SCYL3: variants seen among roughly 807,000 people sequenced by gnomAD.
The protein encoded by SCYL3 is protein-associating with the carboxyl-terminal domain of ezrin.
Under a neutral mutation model 73.8 loss-of-function variants are expected in SCYL3, and 35 were observed. The observed-to-expected ratio is 0.47, with a 90% CI of 0.36 to 0.63. The LOEUF (loss-of-function observed/expected upper bound fraction) is 0.63. Ranked by LOEUF, SCYL3 falls within the 20% of genes least tolerant of loss-of-function variation. The pLI is 0.00. For synonymous variants in SCYL3, 277 were observed against 295.2 expected, an observed-to-expected ratio of 0.94 and a Z score of 0.63; for missense variants, 712 against 798.9, an observed-to-expected ratio of 0.89 and a Z score of 1.31.
chr1:169,859,930 G>A (rs10919258), intron 10 of SCYL3: 40,092 of 152,250 alleles, frequency 0.26, 5,785 homozygotes, highest in Middle Eastern at 0.36. Flanking sequence ...TGCCTAAAGA[G>A]GGGTGAACCA....
At position 169,851,774 on chromosome 1, in the gene SCYL3, C is replaced by CTAA; in HGVS notation, c.*1936_*1938dup. On this transcript the variant is annotated 3_prime_UTR_variant, in exon 13 of 13. Coordinates refer to ENST00000367771, the MANE Select transcript of SCYL3 (RefSeq NM_020423.7). ...TGGCCATTTCATATCTAGTAGAGTG[C>CTAA]TAACATGTTGCTATTTGCTTGGTTT... is the stretch of plus-strand genomic sequence containing the variant. 6.2e-7 allele frequency: 1 copy of CTAA among 1,601,684 alleles called. No homozygotes were observed. Among genetic ancestry groups the CTAA allele is most frequent in the Non-Finnish European group, 8.5e-7 (1 of 1,173,788 alleles).
At chr1:169,853,877 A>C (rs1406383359) in intron 12 of SCYL3, 105 bp from the exon 13 acceptor site, 1 of 1,259,468 alleles carries the variant, frequency 7.9e-7, no homozygotes, top group African/African-American at 1.5e-5. Context: ...TTTTGATGCC[A>C]GAAACACTAC....
Position 169,878,843 on chromosome 1 carries a change from C to G in SCYL3, c.166-24G>C, listed in dbSNP as rs1361987547. The G allele has an allele frequency of 3.1e-6, 5 of 1,589,908 alleles. No homozygotes were observed. The Admixed American group carries it at 9.0e-5, about 29-fold the overall frequency. On this transcript the variant is annotated intron_variant, in intron 2 of 12. Transcript: ENST00000367771. ...TGCTTTAAAAATACAAACCGAAGAG[C>G]TGAAGTTAATGACCCCAAACCAGAT...
At position 169,859,073 on chromosome 1, in the gene SCYL3, C is replaced by T; in HGVS notation, c.1280G>A (p.Ser427Asn). 1 of 1,613,720 alleles carries T rather than the reference C, an allele frequency of 6.2e-7. No individual in the cohort carries two copies. ...RTKIFKRTAP[S>N]FTKNTDLSLE... ...AGAAAGGTCAGTATTTTTAGTAAAACTTGGGGCAGTGCGTTTGAAGATCTT... is the reference window on the plus strand; with the variant it reads ...AGAAAGGTCAGTATTTTTAGTAAAATTTGGGGCAGTGCGTTTGAAGATCTT... The change falls in exon 11 of 13, where the codon AGT becomes AAT. Residue 427 changes from serine to asparagine, a missense_variant. Ser to Asn is a conservative substitution (Grantham distance 46). Coordinates refer to ENST00000367771, the MANE Select transcript of SCYL3 (RefSeq NM_020423.7).
chr1:169,892,673 G>T (rs2102224446), intron 1 of SCYL3, among the ~76,000 whole-genome samples: 1 of 152,254 alleles, frequency 6.6e-6, no homozygotes, highest in Admixed American at 6.5e-5. Flanking sequence ...ACTTGAATAT[G>T]CATCAGTCTT....
chr1:169,852,578 A>G lies in SCYL3; in HGVS notation c.*1135T>C, dbSNP rs1391091828. On this transcript the variant is annotated 3_prime_UTR_variant, in exon 13 of 13. Coordinates refer to ENST00000367771, the MANE Select transcript of SCYL3 (RefSeq NM_020423.7). ...TGTTGTATACCACATACAAACTAAGACACTGGTAGTAGCACTCTGAATTGC... is the reference window on the plus strand; with the variant it reads ...TGTTGTATACCACATACAAACTAAGGCACTGGTAGTAGCACTCTGAATTGC... 7.0e-6 allele frequency: 4 copies of G among 573,016 alleles called. No homozygotes were observed. Among genetic ancestry groups the G allele is most frequent in the South Asian group, 2.2e-5 (1 of 45,824 alleles). The allele number at this position is 573,016 out of a possible 1,614,324, so 35.5% of individuals were successfully genotyped here.
At position 169,852,480 on chromosome 1, in the gene SCYL3, G is replaced by A. The variant is rs1310955354; in HGVS notation, c.*1233C>T. On this transcript the variant is annotated 3_prime_UTR_variant, in exon 13 of 13. Coordinates refer to ENST00000367771, the MANE Select transcript of SCYL3 (RefSeq NM_020423.7). ...TCTCATAAAAAGAAAATACATTTAT[G>A]AACTTGTTTATAAGACATGTAAGCT... The A allele has an allele frequency of 3.0e-6, 1 of 335,466 alleles. No individual in the cohort carries two copies. Among genetic ancestry groups the A allele is most frequent in the Admixed American group, 4.5e-5 (1 of 21,992 alleles). The allele number at this position is 335,466 out of a possible 1,614,324, so 20.8% of individuals were successfully genotyped here. A position where few individuals can be genotyped will look rare whatever the true frequency, so the allele number is the denominator to read the frequency against.
chr1:169,885,544 G>A (rs1661621137), intron 2 of SCYL3, among the ~76,000 whole-genome samples: 1 of 150,832 alleles, frequency 6.6e-6, no homozygotes, highest in Non-Finnish European at 1.5e-5. Flanking sequence ...AGATCTTCAG[G>A]GAAAAATATT....
chr1:169,862,976 G>A (rs374159192), intron 9 of SCYL3, among the ~76,000 whole-genome samples, 179 bp from the exon 10 acceptor site: 8 of 152,130 alleles, frequency 5.3e-5, no homozygotes, highest in African/African-American at 1.7e-4. Flanking sequence ...GCAGTGGCGC[G>A]ATCTCGGCTC....
At position 169,850,526 on chromosome 1, in the gene SCYL3, G is replaced by A. The variant is rs1221270690; in HGVS notation, c.*3187C>T. The A allele has an allele frequency of 1.9e-5, 10 of 517,782 alleles. No homozygotes were observed. Among genetic ancestry groups the A allele is most frequent in the African/African-American group, 9.6e-5 (5 of 51,884 alleles). 32.1% of individuals were successfully genotyped at this position (517,782 alleles called of 1,614,324 possible). On this transcript the variant is annotated 3_prime_UTR_variant, in exon 13 of 13. Transcript: ENST00000367771. ...AAGTAAAACACTTGGGGCCAGGCGC[G>A]GCGGCTCATGCCTGTAATCCCAGCA...
Position 169,851,850 on chromosome 1 carries a change from G to A in SCYL3, c.*1863C>T, listed in dbSNP as rs945417150. 1 of 1,614,052 alleles carries A rather than the reference G, an allele frequency of 6.2e-7. No individual in the cohort carries two copies. The highest frequency in any genetic ancestry group is 8.5e-7 in the Non-Finnish European group (1 of 1,179,958). The stretch of plus-strand genomic sequence containing the variant: ...TGTAGATGAAACTGAAGCTGCCAAA[G>A]TGGAACGTGTGAAACAGGAAAAAGG... On this transcript the variant is annotated 3_prime_UTR_variant, in exon 13 of 13. Transcript: ENST00000367771.
intron 2 of SCYL3, among the ~76,000 whole-genome samples, chr1:169,885,266 C>T (rs1270179533): frequency 6.6e-6 from 1 of 152,136 alleles, no homozygotes; most frequent in East Asian, 1.9e-4. Flanking sequence ...GTATGAGATT[C>T]TTTCCCTAAA....
At chr1:169,859,444 A>G (rs1296757008) in intron 10 of SCYL3, among the ~76,000 whole-genome samples, 1 of 152,244 alleles carries the variant, frequency 6.6e-6, no homozygotes, top group Non-Finnish European at 1.5e-5. Flanking sequence ...ACAAAATTAA[A>G]AAGACATATG....
chr1:169,879,535 A>G (rs1661097508), intron 2 of SCYL3, among the ~76,000 whole-genome samples: 1 of 152,252 alleles, frequency 6.6e-6, no homozygotes, highest in South Asian at 2.1e-4. Flanking sequence ...AACTAGTTCA[A>G]AAACATGAGG....
chr1:169,868,746 C>G (rs949491883), intron 7 of SCYL3, among the ~76,000 whole-genome samples, 182 bp downstream of exon 7: 1 of 152,162 alleles, frequency 6.6e-6, no homozygotes, highest in African/African-American at 2.4e-5. Context: ...AGGAAACTGA[C>G]AGACAACCCA....
rs532784672 is a variant in SCYL3, at chr1:169,864,171, C to T, written c.955+198G>A. ...CACTTACTATAGTAAATTGGACTCT[C>T]TAGGAAGATGCTTCATTTATCCTGT... On this transcript the variant is annotated intron_variant, in intron 9 of 12. Transcript: ENST00000367771. Among the ~76,000 whole-genome samples, 3 of 152,266 alleles carry T rather than the reference C, an allele frequency of 2.0e-5. No individual in the cohort carries two copies. In the South Asian group the frequency reaches 6.2e-4, roughly 32 times the overall value.
Position 169,873,680 on chromosome 1 carries a change from A to G in SCYL3, c.522+16T>C. On this transcript the variant is annotated intron_variant, in intron 5 of 12. Transcript: ENST00000367771. ...CACAAAGGCACCTTCATTATATGTG[A>G]AGTATATCATCTTACCATCTCTTCA... The G allele has an allele frequency of 6.4e-7, 1 of 1,562,084 alleles. No homozygotes were observed. Among genetic ancestry groups the G allele is most frequent in the East Asian group, 2.3e-5 (1 of 44,406 alleles).
intron 1 of SCYL3, among the ~76,000 whole-genome samples, chr1:169,889,909 G>C (rs768107918): frequency 5.9e-5 from 9 of 152,178 alleles, no homozygotes; most frequent in Non-Finnish European, 1.0e-4. Context: ...AGTATTAACA[G>C]AGGTTTCCAG....
At chr1:169,893,617 G>C (rs1252464725) in intron 1 of SCYL3, among the ~76,000 whole-genome samples, 171 bp downstream of exon 1, 1 of 151,800 alleles carries the variant, frequency 6.6e-6, no homozygotes, top group Admixed American at 6.6e-5. Context: ...CTCCGAAGCT[G>C]AGAGCACAGC....
Sources: gnomAD v4.1 joint callset for allele counts (sites outside exome capture counted in the v4.1 genomes callset) on GRCh38, gnomAD v4.1.1 for gene constraint, MANE v1.5 for transcripts, NCBI Gene and HGNC (gene_info 2026-07-23, HGNC 2026-07-21) for gene names.